Variants in BORCS7 observed in about 807,000 individuals in gnomAD.
BORCS7 encodes the protein BLOC-1-related complex subunit 7.
A neutral mutation model predicts 17.5 loss-of-function variants in BORCS7; 20 were observed. That is an observed-to-expected ratio of 1.14 (90% CI 0.80 to 1.66). The LOEUF (loss-of-function observed/expected upper bound fraction) is 1.66, where lower values mean the gene tolerates loss of function less well. Among genes scored for constraint, BORCS7 ranks in the 40% most tolerant of loss-of-function variants. The pLI is 0.00. For missense variants in BORCS7, 122 were observed against 129.7 expected (o/e 0.94, Z 0.29); for synonymous variants, 57 against 49.8 (o/e 1.14, Z -0.61).
Position 102,860,541 on chromosome 10 carries a change from A to G in BORCS7, c.248A>G (p.Gln83Arg). ...ATAATAACAACACATCTTCAATACC[A>G]GTGAGTATGCCCCCTCCAGCAACTA... ...MAIITTHLQY[Q>R]QEAIQKNVEQ... The change falls in exon 3 of 5, where the codon CAG becomes CGG. Residue 83 changes from glutamine to arginine, a missense_variant and splice_region_variant. Physicochemically the swap from Gln to Arg is conservative, Grantham distance 43 (BLOSUM62 1). Coordinates refer to ENST00000339834, the MANE Select transcript of BORCS7 (RefSeq NM_001136200.2). 6.2e-7 allele frequency: 1 copy of G among 1,612,358 alleles called. No homozygotes were observed. Among genetic ancestry groups the G allele is most frequent in the Non-Finnish European group, 8.5e-7 (1 of 1,178,394 alleles).
chr10:102,857,581 A>T (rs1397650393), intron 1 of BORCS7, among the ~76,000 whole-genome samples: 1 of 152,184 alleles, frequency 6.6e-6, no homozygotes, highest in Admixed American at 6.5e-5. Context: ...TCCCAAACAT[A>T]TGCTGGCAAA....
intron 3 of BORCS7, among the ~76,000 whole-genome samples, chr10:102,861,419 G>GAA (rs745985677): frequency 1.1e-4 from 11 of 101,964 alleles, no homozygotes; most frequent in Middle Eastern, 8.2e-3. Context: ...TCTGCCTCCA[G>GAA]AAAAAAAAAA....
intron 3 of BORCS7, 119 bp downstream of exon 3, chr10:102,860,660 G>C: frequency 9.4e-7 from 1 of 1,068,846 alleles, no homozygotes; most frequent in Non-Finnish European, 1.4e-6. Flanking sequence ...AGGTGGGGGT[G>C]GCCAAGGATG....
chr10:102,856,558 G>C (rs935561508), intron 1 of BORCS7, among the ~76,000 whole-genome samples: 1 of 152,210 alleles, frequency 6.6e-6, no homozygotes, highest in African/African-American at 2.4e-5. Context: ...AGAAACACTT[G>C]TTGAAGATGA....
At chr10:102,860,427 G>T (rs746576792) in intron 2 of BORCS7, 33 bp downstream of exon 2, 1 of 1,611,296 alleles carries the variant, frequency 6.2e-7, no homozygotes, top group Non-Finnish European at 8.5e-7. Context: ...AATGATTTGG[G>T]TTTATGTATA....
chr10:102,854,349 C>G lies in BORCS7; in HGVS notation c.63C>G (p.Leu21=). ...ARFGQSVKGL[L]TEKVTTCGTD... ...TCGGTCAGTCCGTGAAGGGGCTTCT[C>G]ACGGAGAAGGTGACCACCTGTGGTA... Residue 21 remains leucine (L), a synonymous_variant, in exon 1 of 5, where the codon CTC becomes CTG. Transcript: ENST00000339834. 6.3e-7 allele frequency: 1 copy of G among 1,591,470 alleles called. No individual in the cohort carries two copies. The highest frequency in any genetic ancestry group is 1.3e-5 in the African/African-American group (1 of 74,824).
At chr10:102,854,685 G>A (rs922896956) in intron 1 of BORCS7, among the ~76,000 whole-genome samples, 2 of 151,822 alleles carry the variant, frequency 1.3e-5, no homozygotes, top group South Asian at 2.1e-4. Context: ...GGCCGAGGCG[G>A]GCGGATCACC....
intron 1 of BORCS7, among the ~76,000 whole-genome samples, chr10:102,856,527 A>G (rs562085710): frequency 2.0e-5 from 3 of 152,376 alleles, no homozygotes; most frequent in South Asian, 2.1e-4. Context: ...TGCTATTGCT[A>G]TGAAAACTAA....
At chr10:102,858,211 A>C (rs1413951234) in intron 1 of BORCS7, among the ~76,000 whole-genome samples, 7 of 147,554 alleles carry the variant, frequency 4.7e-5, no homozygotes, top group South Asian at 2.2e-4. Context: ...AGCGAGCGAG[A>C]GAGAGAGAGA....
At chr10:102,862,797 A>G in intron 4 of BORCS7, 76 bp from the exon 5 acceptor site, 1 of 1,402,098 alleles carries the variant, frequency 7.1e-7, no homozygotes, top group Non-Finnish European at 1.0e-6. Flanking sequence ...GAAAAAAAAA[A>G]TTTGTAAATA....
chr10:102,855,198 C>G (rs1191781868), intron 1 of BORCS7, among the ~76,000 whole-genome samples: 1 of 135,466 alleles, frequency 7.4e-6, no homozygotes, highest in South Asian at 2.3e-4. Context: ...CTAGCTCTGT[C>G]GCCAGGCTGG....
chr10:102,860,853 C>A (rs1029603181), intron 3 of BORCS7: 52 of 449,186 alleles, frequency 1.2e-4, no homozygotes, highest in African/African-American at 9.9e-4. Context: ...TACTTGGCAC[C>A]TGTGAGGCCG....
chr10:102,860,658 G>A, intron 3 of BORCS7, 117 bp downstream of exon 3: 2 of 1,121,812 alleles, frequency 1.8e-6, no homozygotes, highest in South Asian at 1.3e-5. Context: ...AAAGGTGGGG[G>A]TGGCCAAGGA....
chr10:102,854,379 C>T lies in BORCS7; in HGVS notation c.93C>T (p.Asp31=). 1.9e-6 allele frequency: 3 copies of T among 1,563,176 alleles called. No individual in the cohort carries two copies. Among genetic ancestry groups the T allele is most frequent in the Non-Finnish European group, 2.6e-6 (3 of 1,151,984 alleles). ...LTEKVTTCGT[D]VIALTKQVLK... The stretch of plus-strand genomic sequence containing the variant: ...AGAAGGTGACCACCTGTGGTACTGA[C>T]GTAATCGCGCTCACCAAGCAGGTGC... Residue 31 remains aspartate, a synonymous_variant, in exon 1 of 5, where the codon GAC becomes GAT. Coordinates refer to ENST00000339834, the MANE Select transcript of BORCS7 (RefSeq NM_001136200.2).
chr10:102,860,292 T>A, intron 1 of BORCS7, 40 bp from the exon 2 acceptor site: 3 of 1,581,504 alleles, frequency 1.9e-6, no homozygotes, highest in Non-Finnish European at 1.7e-6. Context: ...ACAGGAAGTT[T>A]GGGAATTTTG....
rs146067327 is a variant in BORCS7 at position 102,860,416 on chromosome 10, T to C, written c.204+22T>C. ...AGATGTAAGAAACAACTTTTTTTTT[T>C]AATGATTTGGGTTTATGTATATGGT... On this transcript the variant is annotated intron_variant, in intron 2 of 4. Coordinates refer to ENST00000339834, the MANE Select transcript of BORCS7 (RefSeq NM_001136200.2). 1.2e-5 allele frequency: 19 copies of C among 1,611,970 alleles called. No individual in the cohort carries two copies. The Admixed American group carries it at 3.2e-4, about 27-fold the overall frequency.
chr10:102,862,909 T>C lies in BORCS7; in HGVS notation c.306T>C (p.Asn102=). ...CATCGGATCTACAGGACCAGTTGAA[T>C]CATCTGTTGAAATAGAATGACATGT... ...EQSSDLQDQL[N]HLLK is the part of the protein sequence containing the mutation. Residue 102 remains asparagine, a synonymous_variant, in exon 5 of 5, where the codon AAT becomes AAC. Transcript: ENST00000339834. The C allele has an allele frequency of 6.2e-7, 1 of 1,610,476 alleles. No homozygotes were observed. The highest frequency in any genetic ancestry group is 8.5e-7 in the Non-Finnish European group (1 of 1,176,588).
chr10:102,860,672 C>A, intron 3 of BORCS7, 131 bp downstream of exon 3: 1 of 928,826 alleles, frequency 1.1e-6, no homozygotes, highest in Non-Finnish European at 1.7e-6. Flanking sequence ...CCAAGGATGA[C>A]TTTCTCGATG....
intron 1 of BORCS7, among the ~76,000 whole-genome samples, chr10:102,859,397 C>T (rs1352068586): frequency 6.6e-6 from 1 of 151,730 alleles, no homozygotes; most frequent in Non-Finnish European, 1.5e-5. Context: ...CCTCGGCCTC[C>T]GAAAGTGCTG....
Sources: gnomAD v4.1 joint callset for allele counts (sites outside exome capture counted in the v4.1 genomes callset) on GRCh38, gnomAD v4.1.1 for gene constraint, MANE v1.5 for transcripts, NCBI Gene and HGNC (gene_info 2026-07-23, HGNC 2026-07-21) for gene names.